The following GUCY2C variants were observed in gnomAD, a reference collection of about 807,000 sequenced individuals.
The protein encoded by GUCY2C is guanylate cyclase 2C.
A neutral mutation model predicts 131.1 loss-of-function variants in GUCY2C; 118 were observed. The observed-to-expected ratio is 0.90, with a 90% confidence interval of 0.78 to 1.05. GUCY2C has a LOEUF of 1.05. Among genes scored for constraint, GUCY2C ranks in the 50% least tolerant of loss-of-function variants. The pLI, the probability that GUCY2C is intolerant of heterozygous loss-of-function variation, is 0.00. For missense variants in GUCY2C, 1,161 were observed against 1,304.4 expected (o/e 0.89, Z 1.69); for synonymous variants, 452 against 457.8 (o/e 0.99, Z 0.16).
Position 14,613,425 on chromosome 12 carries a change from A to G in GUCY2C, c.3048-134T>C. The stretch of plus-strand genomic sequence containing the variant: ...TTCTGTGCTAGACACAGGAAATCCA[A>G]AGAATACAAAATGATCCCTGCCTTT... On this transcript the variant is annotated intron_variant, in intron 26 of 26. Transcript: ENST00000261170. The surrounding 1 kb of genome is among the most constrained non-coding windows in gnomAD (Gnocchi z 4.9). 1.5e-6 allele frequency: 1 copy of G among 688,554 alleles called. No individual in the cohort carries two copies. Among genetic ancestry groups the G allele is most frequent in the Non-Finnish European group, 2.5e-6 (1 of 395,010 alleles). The allele number at this position is 688,554 out of a possible 1,614,324, so 42.7% of individuals were successfully genotyped here.
chr12:14,690,532 C>CT (rs145900471), intron 1 of GUCY2C, among the ~76,000 whole-genome samples: 3,939 of 151,626 alleles, frequency 0.026, 149 homozygotes, highest in African/African-American at 0.091. Context: ...CAGGGATGTT[C>CT]TTTTTTTTTC....
rs1397549388 is a variant in GUCY2C, at chr12:14,637,897, G to T, written c.2157+1965C>A. Reference sequence around the variant, plus strand: ...AAATGGGACTATATTAGACTAAAAGGCTTCTGCACAGCAAGGGAAACAACA... The same window carrying T: ...AAATGGGACTATATTAGACTAAAAGTCTTCTGCACAGCAAGGGAAACAACA... On this transcript the variant is annotated intron_variant, in intron 19 of 26. Transcript: ENST00000261170. Among the ~76,000 whole-genome samples, 7 of 152,108 alleles carry T rather than the reference G, an allele frequency of 4.6e-5. 1 individual carries two copies. The highest frequency in any genetic ancestry group is 3.3e-4 in the Admixed American group (5 of 15,276).
chr12:14,674,792 C>T (rs1260635455), intron 7 of GUCY2C, 32 bp from the exon 8 acceptor site: 1 of 1,549,040 alleles, frequency 6.5e-7, no homozygotes. Context: ...TAAAACGGGT[C>T]CTTCAAAAAA....
Position 14,674,662 on chromosome 12 carries a change from G to A in GUCY2C, c.1047C>T (p.Pro349=). The change falls in exon 8 of 27, where the codon CCC becomes CCT. Residue 349 remains proline, a synonymous_variant. Transcript: ENST00000261170. ...GATTCCTGAAAGCATGAGCAAATTT[G>A]GGGGTGGTAATATTTTCTCCATTTT... is the stretch of plus-strand genomic sequence containing the variant. ...FLENGENITT[P]KFAHAFRNLT... The A allele has an allele frequency of 1.2e-6, 2 of 1,613,352 alleles. No homozygotes were observed. Among genetic ancestry groups the A allele is most frequent in the Non-Finnish European group, 1.7e-6 (2 of 1,179,458 alleles).
chr12:14,676,765 T>C (rs946744703), intron 7 of GUCY2C, 89 bp downstream of exon 7: 30 of 344,018 alleles, frequency 8.7e-5, no homozygotes, highest in Non-Finnish European at 1.2e-4. Flanking sequence ...ATTTTAGAAT[T>C]TGGGTCCTAA....
chr12:14,645,233 G>A lies in GUCY2C; in HGVS notation c.1793C>T (p.Ala598Val). The A allele has an allele frequency of 6.7e-7, 1 of 1,498,872 alleles. No individual in the cohort carries two copies. The highest frequency in any genetic ancestry group is 1.1e-5 in the South Asian group (1 of 87,642). 92.8% of individuals were successfully genotyped at this position (1,498,872 alleles called of 1,614,324 possible). Residue 598 changes from alanine (A) to valine (V), a missense_variant, in exon 16 of 27, where the codon GCT (alanine) becomes GTT (valine). Physicochemically the swap from Ala to Val is moderately conservative, Grantham distance 64. Coordinates refer to ENST00000261170, the MANE Select transcript of GUCY2C (RefSeq NM_004963.4). ...EFKISVLYDI[A>V]KGMSYLHSSK... ...CTGTGTGTGTGTTTCTCTTACCTTA[G>A]CAATGTCATACAAGACAGAGATCTT...
At chr12:14,619,338 G>A in intron 23 of GUCY2C, 29 bp from the exon 24 acceptor site, 2 of 1,408,702 alleles carry the variant, frequency 1.4e-6, no homozygotes, top group Non-Finnish European at 2.0e-6. Flanking sequence ...AGCAGGAAGT[G>A]GAGGCAATAG....
At chr12:14,694,897 T>G (rs1948630252) in intron 1 of GUCY2C, among the ~76,000 whole-genome samples, 1 of 152,222 alleles carries the variant, frequency 6.6e-6, no homozygotes. Flanking sequence ...AATGAAAATG[T>G]TCATTGAAGT....
intron 15 of GUCY2C, among the ~76,000 whole-genome samples, chr12:14,649,010 T>C (rs1947584345): frequency 2.0e-5 from 3 of 152,204 alleles, no homozygotes. Flanking sequence ...CACCCTTTAA[T>C]TGCTGTTTTC....
chr12:14,656,468 C>T (rs759412911), intron 12 of GUCY2C, 44 bp downstream of exon 12: 1 of 956,656 alleles, frequency 1.0e-6, no homozygotes. Context: ...TGTCAAATAC[C>T]TGCCAAATTG....
chr12:14,692,111 C>G (rs1414159828), intron 1 of GUCY2C, among the ~76,000 whole-genome samples: 1 of 152,048 alleles, frequency 6.6e-6, no homozygotes, highest in Non-Finnish European at 1.5e-5. Flanking sequence ...ACTGAGGTAC[C>G]CTTTAGTCCC....
Position 14,683,093 on chromosome 12 carries a change from C to A in GUCY2C, c.560G>T (p.Trp187Leu). ...ATTCTTGTAAACATACGAAGTGCTCCAGGAATAAGTTTTGAAGGGCAGATC... is the reference window on the plus strand; with the variant it reads ...ATTCTTGTAAACATACGAAGTGCTCAAGGAATAAGTTTTGAAGGGCAGATC... ...TNDLPFKTYS[W>L]STSYVYKNGT... Residue 187 changes from tryptophan to leucine, a missense_variant, in exon 4 of 27, where the codon TGG (tryptophan) becomes TTG (leucine). By Grantham distance (61) the Trp-to-Leu change is moderately conservative. Transcript: ENST00000261170. 6.2e-7 allele frequency: 1 copy of A among 1,613,698 alleles called. No individual in the cohort carries two copies. Among genetic ancestry groups the A allele is most frequent in the Non-Finnish European group, 8.5e-7 (1 of 1,179,720 alleles).
chr12:14,677,619 G>GGGAAAT (rs1489519707), intron 6 of GUCY2C, among the ~76,000 whole-genome samples: 2 of 151,980 alleles, frequency 1.3e-5, no homozygotes, highest in Middle Eastern at 3.2e-3. Flanking sequence ...TTCCCAGGCT[G>GGGAAAT]GAGTACAATG....
intron 13 of GUCY2C, 51 bp from the exon 14 acceptor site, chr12:14,652,081 C>T (rs1254591561): frequency 5.1e-6 from 5 of 986,542 alleles, no homozygotes; most frequent in African/African-American, 3.2e-5. Context: ...TAACTCTTTA[C>T]ATGCATATTA....
At chr12:14,681,591 G>C (rs1340780341) in intron 4 of GUCY2C, 114 bp from the exon 5 acceptor site, 2 of 839,422 alleles carry the variant, frequency 2.4e-6, no homozygotes, top group African/African-American at 3.3e-5. Context: ...ATTCATTTCT[G>C]CTATTAACAC....
chr12:14,682,827 A>C (rs1306332098), intron 4 of GUCY2C, among the ~76,000 whole-genome samples: 1 of 152,220 alleles, frequency 6.6e-6, no homozygotes, highest in East Asian at 1.9e-4. Context: ...CAAAACAGTA[A>C]AGAGTGTTGC....
At position 14,669,742 on chromosome 12, in the gene GUCY2C, G is replaced by C. The variant is rs1320597768; in HGVS notation, c.1262C>G (p.Pro421Arg). The change falls in exon 10 of 27, where the codon CCT (proline) becomes CGT (arginine). Residue 421 changes from proline to arginine, a missense_variant. Pro to Arg is a moderately radical substitution (Grantham distance 103, BLOSUM62 -2). Coordinates refer to ENST00000261170, the MANE Select transcript of GUCY2C (RefSeq NM_004963.4). ...PTFTWKNSKL[P>R]NDITGRGPQI... ...CTTACCCCGGCCTGTAATATCATTA[G>C]GAAGTTTAGAGTTCTTCCAAGTGAA... is the stretch of plus-strand genomic sequence containing the variant. 1 of 1,575,922 alleles carries C rather than the reference G, an allele frequency of 6.3e-7. No homozygotes were observed. Among genetic ancestry groups the C allele is most frequent in the Non-Finnish European group, 8.7e-7 (1 of 1,147,972 alleles).
intron 10 of GUCY2C, among the ~76,000 whole-genome samples, chr12:14,666,242 C>T (rs537318269): frequency 6.6e-6 from 1 of 152,328 alleles, no homozygotes; most frequent in African/African-American, 2.4e-5. Context: ...TGGCTTTACC[C>T]GGCCGGCACA....
intron 1 of GUCY2C, among the ~76,000 whole-genome samples, chr12:14,688,856 C>T (rs1948526524): frequency 6.6e-6 from 1 of 152,174 alleles, no homozygotes; most frequent in Non-Finnish European, 1.5e-5. Context: ...CCCTTCTTGG[C>T]ATTTCAGAAA....
Sources: allele counts gnomAD v4.1 joint callset (sites outside exome capture counted in the v4.1 genomes callset), GRCh38; gene constraint gnomAD v4.1.1; non-coding constraint Gnocchi (gnomAD v3.1); transcripts MANE v1.5; gene names NCBI Gene and HGNC (gene_info 2026-07-23, HGNC 2026-07-21).